DLG2: variants seen among roughly 807,000 people sequenced by gnomAD.
DLG2 encodes the protein disks large homolog 2.
A neutral mutation model predicts 132.5 loss-of-function variants in DLG2; 45 were observed. The observed-to-expected ratio is 0.34, with a 90% CI of 0.27 to 0.44. The LOEUF (loss-of-function observed/expected upper bound fraction) is 0.44. Ranked by LOEUF, DLG2 falls within the 20% of genes least tolerant of loss-of-function variation. The pLI is 1.00. For synonymous variants in DLG2, 424 were observed against 419.6 expected (o/e 1.01, Z -0.13); for missense variants, 1,045 against 1,196.9 (o/e 0.87, Z 1.87).
At chr11:84,640,809 G>A (rs1594624253) in intron 6 of DLG2, among the ~76,000 whole-genome samples, 2 of 151,994 alleles carry the variant, frequency 1.3e-5, no homozygotes, top group South Asian at 4.2e-4. Flanking sequence ...GCGTGGTGGT[G>A]CACGCATGTA....
At chr11:84,972,649 C>T (rs1006455369) in intron 6 of DLG2, among the ~76,000 whole-genome samples, 16 of 152,204 alleles carry the variant, frequency 1.1e-4, no homozygotes, top group African/African-American at 3.9e-4. Flanking sequence ...CTACCTGCCT[C>T]AGAAGACAAC....
At chr11:84,477,307 C>G (rs1402301661) in intron 7 of DLG2, among the ~76,000 whole-genome samples, 4 of 151,892 alleles carry the variant, frequency 2.6e-5, no homozygotes, top group African/African-American at 9.7e-5. Context: ...CCAGCCTGGA[C>G]AACATGGAGA....
intron 4 of DLG2, among the ~76,000 whole-genome samples, chr11:85,208,368 C>T (rs577841419): frequency 1.3e-5 from 2 of 152,206 alleles, no homozygotes; most frequent in East Asian, 3.9e-4. Flanking sequence ...TCAAATTTCA[C>T]TCTCTCTTCC....
chr11:85,253,032 A>G (rs2076476174), intron 4 of DLG2, among the ~76,000 whole-genome samples: 1 of 152,214 alleles, frequency 6.6e-6, no homozygotes, highest in African/African-American at 2.4e-5. Flanking sequence ...AAATTCTCTT[A>G]TATTACATAT....
At chr11:85,613,976 T>A (rs2081177563) in intron 2 of DLG2, among the ~76,000 whole-genome samples, 1 of 151,998 alleles carries the variant, frequency 6.6e-6, no homozygotes, top group Non-Finnish European at 1.5e-5. Flanking sequence ...CTTTAAGAGC[T>A]GTAACATGCA....
intron 3 of DLG2, among the ~76,000 whole-genome samples, chr11:85,507,154 C>A (rs540718855): frequency 1.3e-5 from 2 of 152,248 alleles, no homozygotes; most frequent in South Asian, 4.1e-4. Context: ...TGGGTCTTGA[C>A]TCTTTGTCCA....
At chr11:84,090,003 G>A (rs1397012674) in intron 10 of DLG2, among the ~76,000 whole-genome samples, 1 of 152,076 alleles carries the variant, frequency 6.6e-6, no homozygotes, top group African/African-American at 2.4e-5. Flanking sequence ...ACTACACAGA[G>A]GGCATTTTTA....
chr11:84,648,562 T>C (rs1308611087), intron 6 of DLG2, among the ~76,000 whole-genome samples: 2 of 152,104 alleles, frequency 1.3e-5, no homozygotes, highest in East Asian at 3.9e-4. Context: ...ATGTTGGAGG[T>C]GGGGGCTGGT....
intron 7 of DLG2, among the ~76,000 whole-genome samples, chr11:84,297,741 C>G (rs184911201): frequency 7.8e-4 from 118 of 152,174 alleles, no homozygotes; most frequent in African/African-American, 2.6e-3. Flanking sequence ...TCCATGCCCC[C>G]AGTCTACCTG....
In DLG2 at chr11:85,211,544, G is replaced by A. The variant is rs188777193; in HGVS notation, c.187-56893C>T. ...CTTCAGGTATATAAAGTGAAGTGAA[G>A]GCTATCCCTTGCTGTATAAGAGTAC... On this transcript the variant is annotated intron_variant, in intron 4 of 27. Coordinates refer to ENST00000376104, the MANE Select transcript of DLG2 (RefSeq NM_001142699.3). Among the ~76,000 whole-genome samples the A allele has an allele frequency of 1.4e-4, 21 of 151,874 alleles. 1 individual carries two copies. The highest frequency in any genetic ancestry group is 4.1e-4 in the African/African-American group (17 of 41,510).
At chr11:84,723,902 G>T (rs1045975272) in intron 6 of DLG2, among the ~76,000 whole-genome samples, 7 of 151,934 alleles carry the variant, frequency 4.6e-5, no homozygotes, top group Non-Finnish European at 4.4e-5. Flanking sequence ...CCTCAAAATG[G>T]ACTCATAATT....
At chr11:85,150,977 A>G (rs1466907944) in intron 5 of DLG2, among the ~76,000 whole-genome samples, 1 of 152,160 alleles carries the variant, frequency 6.6e-6, no homozygotes, top group Non-Finnish European at 1.5e-5. Context: ...TGGTGGCACC[A>G]TTCCCACCAA....
At chr11:84,087,422 T>A (rs987844374) in intron 10 of DLG2, among the ~76,000 whole-genome samples, 3 of 152,238 alleles carry the variant, frequency 2.0e-5, no homozygotes, top group African/African-American at 7.2e-5. Context: ...GACATCTTTT[T>A]ATGTGCTCAT....
chr11:85,278,765 C>T, intron 4 of DLG2, among the ~76,000 whole-genome samples: 1 of 152,164 alleles, frequency 6.6e-6, no homozygotes, highest in East Asian at 1.9e-4. Context: ...ATGAAACCAT[C>T]TCTAGTACTC....
At chr11:83,993,677 T>C (rs2093855259) in intron 11 of DLG2, among the ~76,000 whole-genome samples, 1 of 152,154 alleles carries the variant, frequency 6.6e-6, no homozygotes, top group Non-Finnish European at 1.5e-5. Flanking sequence ...CAAGCTTCCA[T>C]CATTAAAATA....
chr11:84,343,449 G>A (rs2098525014), intron 7 of DLG2, among the ~76,000 whole-genome samples: 1 of 152,192 alleles, frequency 6.6e-6, no homozygotes, highest in Non-Finnish European at 1.5e-5. Context: ...CTGGTTGAAT[G>A]TATTTGTTAA....
chr11:83,838,839 G>T (rs1361607922), intron 16 of DLG2, among the ~76,000 whole-genome samples: 1 of 151,808 alleles, frequency 6.6e-6, no homozygotes, highest in Non-Finnish European at 1.5e-5. Flanking sequence ...AAATTAAGAG[G>T]AAAGTATTTC....
intron 6 of DLG2, among the ~76,000 whole-genome samples, chr11:84,631,467 T>C (rs936327693): frequency 6.6e-6 from 1 of 152,070 alleles, no homozygotes; most frequent in South Asian, 2.1e-4. Flanking sequence ...AAACACACAA[T>C]AGCAATACAA....
At chr11:85,268,313 T>G (rs762682279) in intron 4 of DLG2, among the ~76,000 whole-genome samples, 4 of 152,204 alleles carry the variant, frequency 2.6e-5, no homozygotes, top group Non-Finnish European at 4.4e-5. Flanking sequence ...CTTAAAAGAA[T>G]GCAACCATTA....
Sources: gnomAD v4.1 joint callset for allele counts (sites outside exome capture counted in the v4.1 genomes callset) on GRCh38, gnomAD v4.1.1 for gene constraint, MANE v1.5 for transcripts, NCBI Gene and HGNC (gene_info 2026-07-23, HGNC 2026-07-21) for gene names.